BMAL1: variants seen among roughly 807,000 people sequenced by gnomAD.
BMAL1 encodes basic helix-loop-helix ARNT like 1.
At chr11:13,362,688 G>A in the BMAL1 span, among the ~76,000 whole-genome samples, 2 of 152,024 alleles carry the variant, frequency 1.3e-5, no homozygotes, top group Non-Finnish European at 2.9e-5. Context: ...CATCCTTTTC[G>A]TAAAGATGTC....
At chr11:13,278,829 C>A in the BMAL1 span, among the ~76,000 whole-genome samples, 3 of 152,220 alleles carry the variant, frequency 2.0e-5, no homozygotes, top group Non-Finnish European at 4.4e-5. Context: ...GGTTCCCGCT[C>A]GGCTATTGCC....
the BMAL1 span, among the ~76,000 whole-genome samples, chr11:13,304,147 C>T: frequency 1.8e-4 from 28 of 152,204 alleles, no homozygotes; most frequent in East Asian, 3.7e-3. Flanking sequence ...ATCTGAGGCA[C>T]GTCTCACAGG....
chr11:13,380,910 T>C, the BMAL1 span: 1 of 396,610 alleles, frequency 2.5e-6, no homozygotes, highest in Non-Finnish European at 4.6e-6. Context: ...CATCTGTTTT[T>C]GTAAATAAAG....
chr11:13,363,769 A>G, the BMAL1 span, among the ~76,000 whole-genome samples: 80,082 of 152,018 alleles, frequency 0.53, 21,701 homozygotes, highest in African/African-American at 0.64. Context: ...AACCAGCACC[A>G]TCTTCCCAAG....
chr11:13,379,723 C>T, the BMAL1 span: 1 of 152,188 alleles, frequency 6.6e-6, no homozygotes, highest in Non-Finnish European at 1.5e-5. Flanking sequence ...AGTGGATGTT[C>T]CCTCTAGAAA....
At chr11:13,382,783 A>G in the BMAL1 span, among the ~76,000 whole-genome samples, 3 of 152,148 alleles carry the variant, frequency 2.0e-5, no homozygotes, top group African/African-American at 7.2e-5. Context: ...TCACAACATT[A>G]TAGTGACAAG....
At chr11:13,285,101 A>G in the BMAL1 span, among the ~76,000 whole-genome samples, 146,603 of 152,296 alleles carry the variant, frequency 0.96, 70,593 homozygotes, top group East Asian at 1. Context: ...TACCTCTGAT[A>G]ACATTTGTTC....
chr11:13,345,057 A>T, the BMAL1 span, among the ~76,000 whole-genome samples: 1 of 152,154 alleles, frequency 6.6e-6, no homozygotes, highest in Admixed American at 6.5e-5. Flanking sequence ...GTTGTCAAGG[A>T]TGTTGATTCA....
the BMAL1 span, among the ~76,000 whole-genome samples, chr11:13,314,762 C>CT: frequency 1.3e-5 from 2 of 152,150 alleles, no homozygotes; most frequent in African/African-American, 4.8e-5. Flanking sequence ...GCTGAGAATG[C>CT]TTTTCTTGAA....
the BMAL1 span, chr11:13,381,137 C>T: frequency 1.2e-6 from 2 of 1,605,936 alleles, no homozygotes; most frequent in Non-Finnish European, 1.7e-6. Flanking sequence ...AAAGAAAAGG[C>T]AGTGTAATTC....
the BMAL1 span, chr11:13,374,102 G>T: frequency 6.2e-7 from 1 of 1,613,082 alleles, no homozygotes. Flanking sequence ...TAGGGCAACA[G>T]CTATTTTGGC....
At chr11:13,355,994 G>T in the BMAL1 span, among the ~76,000 whole-genome samples, 2 of 152,162 alleles carry the variant, frequency 1.3e-5, no homozygotes, top group Non-Finnish European at 2.9e-5. Context: ...AGGCGGTGAG[G>T]GGGATTTGGA....
At chr11:13,336,126 A>G in the BMAL1 span, among the ~76,000 whole-genome samples, 14 of 152,228 alleles carry the variant, frequency 9.2e-5, no homozygotes, top group Non-Finnish European at 1.9e-4. Context: ...ACATAAGGAT[A>G]TGTAGTAGAA....
the BMAL1 span, among the ~76,000 whole-genome samples, chr11:13,364,519 G>GA: frequency 9.2e-5 from 14 of 152,308 alleles, no homozygotes; most frequent in Admixed American, 3.3e-4. Flanking sequence ...AATAAGGTGA[G>GA]AAACTAGTCC....
At chr11:13,296,540 T>C in the BMAL1 span, among the ~76,000 whole-genome samples, 18 of 152,254 alleles carry the variant, frequency 1.2e-4, no homozygotes, top group African/African-American at 4.3e-4. Context: ...TATCTCATTT[T>C]GTTGGTTGTT....
the BMAL1 span, chr11:13,354,687 C>T: frequency 4.1e-6 from 2 of 487,654 alleles, no homozygotes; most frequent in Non-Finnish European, 7.3e-6. Context: ...ATGTTCTACA[C>T]CCAGAGAAAA....
the BMAL1 span, among the ~76,000 whole-genome samples, chr11:13,358,189 A>C: frequency 9.3e-4 from 142 of 152,316 alleles, no homozygotes; most frequent in African/African-American, 3.4e-3. Context: ...CTGAAGAGAC[A>C]ATTTTTGTAG....
chr11:13,367,189 G>A, the BMAL1 span, among the ~76,000 whole-genome samples: 1 of 152,090 alleles, frequency 6.6e-6, no homozygotes, highest in African/African-American at 2.4e-5. Context: ...GTAAGAAAAC[G>A]TCAACTATAA....
chr11:13,305,431 A>AT, the BMAL1 span, among the ~76,000 whole-genome samples: 2 of 151,998 alleles, frequency 1.3e-5, no homozygotes, highest in African/African-American at 2.4e-5. Flanking sequence ...AATCCAATTG[A>AT]TTTTTTTGTT....
Sources: gnomAD v4.1 joint callset for allele counts (sites outside exome capture counted in the v4.1 genomes callset) on GRCh38, gnomAD v4.1.1 for gene constraint, MANE v1.5 for transcripts, NCBI Gene and HGNC (gene_info 2026-07-23, HGNC 2026-07-21) for gene names.